MYH6: variants seen among roughly 807,000 people sequenced by gnomAD.
The protein encoded by MYH6 is myosin heavy chain 6, also known as myosin-6.
A neutral mutation model predicts 223.2 loss-of-function variants in MYH6; 126 were observed. The ratio of observed to expected loss-of-function variants is 0.56; its 90% CI spans 0.49 to 0.65. The LOEUF (loss-of-function observed/expected upper bound fraction) is 0.65, where lower values mean the gene tolerates loss of function less well. Among genes scored for constraint, MYH6 ranks in the 30% least tolerant of loss-of-function variants. The pLI, the probability that MYH6 is intolerant of heterozygous loss-of-function variation, is 0.00. For synonymous variants in MYH6, 978 were observed against 1,010.2 expected (o/e 0.97, Z 0.61); for missense variants, 2,040 against 2,536.4 (o/e 0.80, Z 4.20).
At chr14:23,387,461 C>T in intron 32 of MYH6, 68 bp downstream of exon 32, 10 of 1,605,290 alleles carry the variant, frequency 6.2e-6, no homozygotes, top group Non-Finnish European at 8.5e-6. Context: ...AGGGTCACCC[C>T]CAGGTGAGGG....
In MYH6 at chr14:23,394,342, G is replaced by A. The variant is rs745631526; in HGVS notation, c.2430-19C>T. On this transcript the variant is annotated intron_variant, in intron 20 of 38. Transcript: ENST00000405093. ...GGCATCCCTGGCAAGGAAACGTGGA[G>A]GCAGGGTGGGGCACTATAAAAGAGA... The A allele has an allele frequency of 1.2e-6, 2 of 1,614,044 alleles. No individual in the cohort carries two copies. Among genetic ancestry groups the A allele is most frequent in the Non-Finnish European group, 8.5e-7 (1 of 1,180,026 alleles).
rs1366859659 is a variant in MYH6, at chr14:23,396,756, T to C, written c.2230A>G (p.Thr744Ala). The C allele has an allele frequency of 2.5e-6, 4 of 1,613,966 alleles. No homozygotes were observed. Among genetic ancestry groups the C allele is most frequent in the East Asian group, 2.2e-5 (1 of 44,868 alleles). Reference protein sequence around the residue: ...EGQFIDSRKGTEKLLSSLDID... With the variant: ...EGQFIDSRKGAEKLLSSLDID... Reference sequence around the variant, plus strand: ...TCCAGAGAGCTGAGCAGCTTCTCTGTCCCCTTCCTGCTATCAATGAACTGT... The same window carrying C: ...TCCAGAGAGCTGAGCAGCTTCTCTGCCCCCTTCCTGCTATCAATGAACTGT... The change falls in exon 19 of 39, where the codon ACA becomes GCA. Residue 744 changes from threonine (T) to alanine (A), a missense_variant. Thr to Ala is a moderately conservative substitution (Grantham distance 58, BLOSUM62 0). Around this residue, in one of 4 missense-constraint regions of MYH6, gnomAD observed 649 missense variants for 877.3 expected, o/e 0.74. Coordinates refer to ENST00000405093, the MANE Select transcript of MYH6 (RefSeq NM_002471.4).
chr14:23,404,895 C>G, intron 6 of MYH6, 73 bp from the exon 7 acceptor site: 1 of 1,526,338 alleles, frequency 6.6e-7, no homozygotes, highest in South Asian at 1.1e-5. Flanking sequence ...ATCACATGCT[C>G]CCCTTCCCAG....
At chr14:23,401,621 G>C (rs1158723401) in intron 12 of MYH6, among the ~76,000 whole-genome samples, 1 of 152,242 alleles carries the variant, frequency 6.6e-6, no homozygotes, top group Non-Finnish European at 1.5e-5. Context: ...CCTCTCCAGG[G>C]CAAGGGTGTG....
chr14:23,404,160 G>C, intron 8 of MYH6, 136 bp downstream of exon 8: 1 of 1,115,654 alleles, frequency 9.0e-7, no homozygotes, highest in Non-Finnish European at 1.4e-6. Context: ...CAAAGCCTAT[G>C]CTCTCTTCCC....
chr14:23,394,973 C>A (rs762634522), intron 20 of MYH6, among the ~76,000 whole-genome samples: 1 of 152,242 alleles, frequency 6.6e-6, no homozygotes, highest in Non-Finnish European at 1.5e-5. Context: ...TCAAGCGATT[C>A]TCCTGCCTCA....
In MYH6 at chr14:23,384,688, C is replaced by T; in HGVS notation, c.5319G>A (p.Lys1773=). 1 of 1,614,242 alleles carries T rather than the reference C, an allele frequency of 6.2e-7. No homozygotes were observed. The highest frequency in any genetic ancestry group is 8.5e-7 in the Non-Finnish European group (1 of 1,180,036). The change falls in exon 36 of 39, where the codon AAG becomes AAA. Residue 1773 remains lysine, a synonymous_variant. Transcript: ENST00000405093. ...DAAMMAEELK[K]EQDTSAHLER... is the part of the protein sequence containing the mutation. ...CCAGGTGGGCGCTGGTGTCCTGCTC[C>T]TTCTTCAGCTCCTCTGCCATCATGG...
Position 23,390,238 on chromosome 14 carries a change from G to T in MYH6, c.3551C>A (p.Thr1184Lys). ...CGCGGCAGTGGCCTCGTGCTGCAGC[G>T]TGGCCTCCTCCAGGTCCCGCCGCAT... ...QKMRRDLEEA[T>K]LQHEATAAAL... Residue 1184 changes from threonine (T) to lysine (K), a missense_variant, in exon 26 of 39, where the codon ACG (threonine) becomes AAG (lysine). This residue lies in a region of MYH6 where 1,203 missense variants were observed against 1,400.2 expected (regional missense o/e 0.86). Coordinates refer to ENST00000405093, the MANE Select transcript of MYH6 (RefSeq NM_002471.4). The T allele has an allele frequency of 3.2e-6, 5 of 1,583,954 alleles. No homozygotes were observed. The South Asian group carries it at 4.5e-5, about 14-fold the overall frequency.
rs1022988045 is a variant in MYH6 at position 23,397,968 on chromosome 14, T to C, written c.1892-355A>G. ...CTTCTTCTTCTTCTTCTTCTTCTTC[T>C]TCTTCTTCTTCTTCTTCTTCTTCTT... On this transcript the variant is annotated intron_variant, in intron 15 of 38. Transcript: ENST00000405093. 1.7e-3 allele frequency among the ~76,000 whole-genome samples: 228 copies of C among 130,744 alleles called. 2 individuals are homozygous for C. Among genetic ancestry groups the C allele is most frequent in the African/African-American group, 5.8e-3 (191 of 33,196 alleles). 85.8% of individuals were successfully genotyped at this position (130,744 alleles called of 152,430 possible).
In MYH6 at chr14:23,401,670, G is replaced by A. The variant is rs141994798; in HGVS notation, c.1142-693C>T. Among the ~76,000 whole-genome samples, 262 of 152,264 alleles carry A rather than the reference G, an allele frequency of 1.7e-3. 3 individuals carry two copies. Among genetic ancestry groups the A allele is most frequent in the Admixed American group, 0.014 (220 of 15,290 alleles). ...ATGTCCTCTGCTCCCTGTCTCCTTC[G>A]TTCTCTACCCCAGTGTCTAGCCCTG... On this transcript the variant is annotated intron_variant, in intron 12 of 38. Coordinates refer to ENST00000405093, the MANE Select transcript of MYH6 (RefSeq NM_002471.4).
Position 23,389,635 on chromosome 14 carries a change from T to G in MYH6, c.3817A>C (p.Asn1273His). 1.2e-6 allele frequency: 2 copies of G among 1,614,110 alleles called. No homozygotes were observed. Among genetic ancestry groups the G allele is most frequent in the Non-Finnish European group, 1.7e-6 (2 of 1,180,024 alleles). ...VKLEEAQRSL[N>H]DFTTQRAKLQ... ...TTGGCTCGCTGGGTGGTGAAATCAT[T>G]GAGGGAGCGTTGGGCCTCTTCTAGC... Residue 1273 changes from asparagine to histidine, a missense_variant, in exon 27 of 39, where the codon AAT (asparagine) becomes CAT (histidine). Asn to His is a moderately conservative substitution (Grantham distance 68). Coordinates refer to ENST00000405093, the MANE Select transcript of MYH6 (RefSeq NM_002471.4).
rs141062252 is a variant in MYH6, at chr14:23,389,008, G to A, written c.4026C>T (p.Cys1342=). 1.4e-4 allele frequency: 225 copies of A among 1,613,212 alleles called. 1 individual carries two copies. The highest frequency in any genetic ancestry group is 1.7e-4 in the Non-Finnish European group (195 of 1,179,736). Residue 1342 remains cysteine (C), a synonymous_variant, in exon 29 of 39, where the codon TGC becomes TGT. Transcript: ENST00000405093. ...CCTCGTACTGCTCCCGCAGCAGGTC[G>A]CAGTCATGCCGGGCCGACTGCAGTG... ...AHALQSARHD[C]DLLREQYEEE... is the part of the protein sequence containing the mutation.
At chr14:23,400,469 T>G (rs1253896102) in intron 13 of MYH6, 43 bp from the exon 14 acceptor site, 1 of 1,613,594 alleles carries the variant, frequency 6.2e-7, no homozygotes, top group Admixed American at 1.7e-5. Flanking sequence ...AAAGTGGGTG[T>G]GAGTGGCCAT....
At chr14:23,394,640 G>A (rs553932107) in intron 20 of MYH6, among the ~76,000 whole-genome samples, 28 of 152,230 alleles carry the variant, frequency 1.8e-4, no homozygotes, top group African/African-American at 6.5e-4. Flanking sequence ...ATATAAGAAT[G>A]TCTATAATAA....
intron 25 of MYH6, among the ~76,000 whole-genome samples, chr14:23,392,181 G>C (rs7153162): frequency 4.8e-4 from 73 of 152,040 alleles, no homozygotes; most frequent in African/African-American, 1.7e-3. Context: ...GAACAGAGCA[G>C]CTCACAGGAA....
chr14:23,393,807 C>T lies in MYH6; in HGVS notation c.2787G>A (p.Glu929=). ...GCTCCGCGTTCATCTCCTCCTCATCCTCCAGCCTCTCATTCATCTCCTTTA... is the reference window on the plus strand; with the variant it reads ...GCTCCGCGTTCATCTCCTCCTCATCTTCCAGCCTCTCATTCATCTCCTTTA... ...AKVKEMNERL[E]DEEEMNAELT... Residue 929 remains glutamate, a synonymous_variant, in exon 22 of 39, where the codon GAG becomes GAA. Coordinates refer to ENST00000405093, the MANE Select transcript of MYH6 (RefSeq NM_002471.4). The T allele has an allele frequency of 1.2e-6, 2 of 1,614,250 alleles. No individual in the cohort carries two copies. Among genetic ancestry groups the T allele is most frequent in the Non-Finnish European group, 1.7e-6 (2 of 1,180,054 alleles).
rs769708956 is a variant in MYH6 at position 23,397,067 on chromosome 14, G to C, written c.2064C>G (p.Asn688Lys). Residue 688 changes from asparagine to lysine, a missense_variant, in exon 18 of 39, where the codon AAC (asparagine) becomes AAG (lysine). By Grantham distance (94) the Asn-to-Lys change is moderately conservative. Coordinates refer to ENST00000405093, the MANE Select transcript of MYH6 (RefSeq NM_002471.4). The stretch of plus-strand genomic sequence containing the variant: ...AGCGCAGCTGGTGCATGACCAGGGG[G>C]TTGTCCATCACCCCTGTGTCAGGAG... The part of the protein sequence containing the change: ...NERKAPGVMD[N>K]PLVMHQLRCN... The C allele has an allele frequency of 6.2e-7, 1 of 1,614,244 alleles. No individual in the cohort carries two copies. The highest frequency in any genetic ancestry group is 1.3e-5 in the African/African-American group (1 of 75,064).
Position 23,407,237 on chromosome 14 carries a change from C to T in MYH6, c.-13-1G>A, listed in dbSNP as rs756297212. 3.1e-6 allele frequency: 5 copies of T among 1,614,148 alleles called. No homozygotes were observed. Among genetic ancestry groups the T allele is most frequent in the Non-Finnish European group, 2.5e-6 (3 of 1,180,030 alleles). ...GGCATCGGTCATCTTGGTGCTTCCC[C>T]TGGGTCAGAGACAGGAGGGCTATGT... On this transcript the variant is annotated splice_acceptor_variant, in intron 2 of 38. Transcript: ENST00000405093. LOFTEE classifies it low-confidence loss of function (5UTR_SPLICE). This position sits in a 1 kb window ranked among gnomAD's most constrained non-coding sequence, Gnocchi z 5.6.
intron 28 of MYH6, 115 bp from the exon 29 acceptor site, chr14:23,389,170 A>C (rs1199785798): frequency 6.5e-5 from 84 of 1,291,770 alleles, no homozygotes; most frequent in Non-Finnish European, 8.1e-5. Context: ...ATGTGGGCTG[A>C]TGTGGCACCT....
Sources: allele counts gnomAD v4.1 joint callset (sites outside exome capture counted in the v4.1 genomes callset), GRCh38; gene constraint gnomAD v4.1.1; regional missense constraint gnomAD v4.1.1; non-coding constraint Gnocchi (gnomAD v3.1); transcripts MANE v1.5; gene names NCBI Gene and HGNC (gene_info 2026-07-23, HGNC 2026-07-21).